The following NCOR2 variants were observed in gnomAD, a reference collection of about 807,000 sequenced individuals.
The protein encoded by NCOR2 is nuclear receptor corepressor 2.
In NCOR2, 81 loss-of-function variants were observed where a neutral mutation model predicts 262.9. That is an observed-to-expected ratio of 0.31 (90% CI 0.26 to 0.37). The LOEUF (loss-of-function observed/expected upper bound fraction) is 0.37, where lower values mean the gene tolerates loss of function less well. Ranked by LOEUF, NCOR2 falls within the 10% of genes least tolerant of loss-of-function variation. The probability of loss-of-function intolerance (pLI) is 1.00; values close to 1 mark genes in which losing one functional copy is unlikely to be tolerated. For missense variants in NCOR2, 3,385 were observed against 3,621.4 expected, an observed-to-expected ratio of 0.93 and a Z score of 1.68; for synonymous variants, 1,659 against 1,559.3, an observed-to-expected ratio of 1.06 and a Z score of -1.51.
At chr12:124,325,388 C>CCCCCCCCCCCCCCGGGGGGGGG in exon 47 of NCOR2, 1 of 693,388 alleles carries the variant, frequency 1.4e-6, no homozygotes, top group Non-Finnish European at 2.0e-6. Flanking sequence ...CCCCCCCCCC[C>CCCCCCCCCCCCCCGGGGGGGGG]GCCCTGTTCT....
At chr12:124,561,113 G>C (rs1031477876) in intron 1 of NCOR2, among the ~76,000 whole-genome samples, 1 of 152,202 alleles carries the variant, frequency 6.6e-6, no homozygotes, top group African/African-American at 2.4e-5. Flanking sequence ...CCATGAACCT[G>C]CACAAAGGTT....
In NCOR2 at chr12:124,336,854, C is replaced by A. The variant is rs1205137735; in HGVS notation, c.6014G>T (p.Ser2005Ile). The A allele has an allele frequency of 1.9e-6, 3 of 1,612,018 alleles. No homozygotes were observed. In the East Asian group the frequency reaches 6.7e-5, roughly 36 times the overall value. The change falls in exon 38 of 47, where the codon AGC becomes ATC. Residue 2005 changes from serine to isoleucine, a missense_variant. Ser to Ile is a moderately radical substitution (Grantham distance 142). Transcript: ENST00000405201. ...GGCAGGTGGCGCCGGCGGGTCCGGG[C>A]TGGCGTGGTGAGGTGCGAGGTTCTT...
At chr12:124,419,304 T>C (rs1346226651) in intron 13 of NCOR2, among the ~76,000 whole-genome samples, 1 of 152,156 alleles carries the variant, frequency 6.6e-6, no homozygotes, top group Non-Finnish European at 1.5e-5. Flanking sequence ...GTCACAACCA[T>C]GCAACTCCAC....
At chr12:124,422,676 T>G in intron 11 of NCOR2, 121 bp from the exon 14 acceptor site, 56 of 1,100,764 alleles carry the variant, frequency 5.1e-5, no homozygotes, top group East Asian at 1.5e-4. Context: ...CCGCCCCACT[T>G]GGAGCAATTA....
At chr12:124,494,240 C>A (rs1360255167) in intron 1 of NCOR2, among the ~76,000 whole-genome samples, 1 of 152,292 alleles carries the variant, frequency 6.6e-6, no homozygotes, top group East Asian at 1.9e-4. Context: ...CACACGCACA[C>A]ACGCACCCCC....
At chr12:124,545,061 C>T (rs978965517) in intron 1 of NCOR2, among the ~76,000 whole-genome samples, 14 of 152,154 alleles carry the variant, frequency 9.2e-5, no homozygotes, top group African/African-American at 3.1e-4. Context: ...GAGAAATTTA[C>T]AACCTGGCAC....
chr12:124,363,625 T>C, intron 21 of NCOR2, 54 bp downstream of exon 23: 2 of 1,303,440 alleles, frequency 1.5e-6, no homozygotes, highest in Non-Finnish European at 9.9e-7. Context: ...TCTCAATGAA[T>C]GGGAAAGTCA....
At chr12:124,374,696 A>G (rs1020830935) in intron 18 of NCOR2, among the ~76,000 whole-genome samples, 10 of 152,242 alleles carry the variant, frequency 6.6e-5, no homozygotes, top group African/African-American at 1.9e-4. Flanking sequence ...GGCTGGTCCA[A>G]TGGCCTGTTC....
Position 124,389,113 on chromosome 12 carries a change from G to A in NCOR2, c.1877-3226C>T, listed in dbSNP as rs564434614. 2.6e-5 allele frequency among the ~76,000 whole-genome samples: 4 copies of A among 152,354 alleles called. No homozygotes were observed. The East Asian group carries it at 7.7e-4, about 29-fold the overall frequency. ...TCAGTGGTGCGTGTGGGATGCCCCT[G>A]GGCCAGGTATCACCGGGGCGCAGCG... On this transcript the variant is annotated intron_variant, in intron 16 of 46. Transcript: ENST00000405201. This position sits in a 1 kb window ranked among gnomAD's most constrained non-coding sequence, Gnocchi z 4.4.
intron 44 of NCOR2, among the ~76,000 whole-genome samples, chr12:124,328,174 G>A (rs531561133): frequency 7.3e-6 from 1 of 137,732 alleles, no homozygotes; most frequent in Non-Finnish European, 1.6e-5. Flanking sequence ...GTGACCAGAT[G>A]GTCCTCCCGC....
chr12:124,369,770 C>T (rs941740337), intron 20 of NCOR2, among the ~76,000 whole-genome samples: 1 of 152,128 alleles, frequency 6.6e-6, no homozygotes, highest in African/African-American at 2.4e-5. Context: ...GTGTGCTGGA[C>T]ACTGGGCAAG....
At chr12:124,426,330 G>A (rs1323275885) in intron 11 of NCOR2, among the ~76,000 whole-genome samples, 3 of 152,192 alleles carry the variant, frequency 2.0e-5, no homozygotes, top group Non-Finnish European at 2.9e-5. Context: ...ATGTGGGGTC[G>A]AAGGCAGAGC....
At chr12:124,332,628 A>G (rs1364732435) in intron 42 of NCOR2, among the ~76,000 whole-genome samples, 161 bp from the exon 45 acceptor site, 1 of 151,966 alleles carries the variant, frequency 6.6e-6, no homozygotes, top group Non-Finnish European at 1.5e-5. Flanking sequence ...CGGCTCCTGA[A>G]ATCTCCTCTG....
At chr12:124,460,535 G>A (rs1011565446) in intron 5 of NCOR2, among the ~76,000 whole-genome samples, 3 of 152,184 alleles carry the variant, frequency 2.0e-5, no homozygotes, top group Non-Finnish European at 4.4e-5. Flanking sequence ...TCCACATCCC[G>A]GATGTGCCTG....
intron 40 of NCOR2, 21 bp from the exon 43 acceptor site, chr12:124,334,638 C>G: frequency 7.5e-7 from 1 of 1,340,506 alleles, no homozygotes; most frequent in East Asian, 2.8e-5. Flanking sequence ...GTGGGGGGGC[C>G]CAGAGTCAGG....
intron 1 of NCOR2, among the ~76,000 whole-genome samples, chr12:124,516,180 C>A (rs1483579177): frequency 3.9e-5 from 6 of 152,230 alleles, no homozygotes; most frequent in Non-Finnish European, 7.3e-5. Context: ...CTCCTGCTGG[C>A]CCAAGAGCGG....
intron 6 of NCOR2, among the ~76,000 whole-genome samples, chr12:124,456,572 G>A (rs1284052900): frequency 2.6e-5 from 4 of 152,180 alleles, no homozygotes; most frequent in Non-Finnish European, 4.4e-5. Context: ...AGGCAGGCGC[G>A]GCACCCGATG....
In NCOR2 at chr12:124,457,068, G is replaced by A. The variant is rs1180215293; in HGVS notation, c.762+38C>T. 8 of 382,204 alleles carry A rather than the reference G, an allele frequency of 2.1e-5. 1 individual carries two copies. Among genetic ancestry groups the A allele is most frequent in the East Asian group, 1.3e-4 (2 of 15,636 alleles). 23.7% of individuals were successfully genotyped at this position (382,204 alleles called of 1,614,324 possible). ...CCTGCCCACCTCTCCAGCCACCCCC[G>A]CCCTCCCCTGAGCCCCTGACCCTGT... On this transcript the variant is annotated intron_variant, in intron 6 of 46. Coordinates refer to ENST00000405201, the Ensembl canonical transcript of NCOR2. The surrounding 1 kb of genome is among the most constrained non-coding windows in gnomAD (Gnocchi z 4.0).
chr12:124,356,799 C>T lies in NCOR2; in HGVS notation c.3101-17G>A, dbSNP rs752337076. 6.9e-7 allele frequency: 1 copy of T among 1,459,568 alleles called. No homozygotes were observed. Among genetic ancestry groups the T allele is most frequent in the Admixed American group, 3.4e-5 (1 of 29,046 alleles). 90.4% of individuals were successfully genotyped at this position (1,459,568 alleles called of 1,614,324 possible). On this transcript the variant is annotated splice_polypyrimidine_tract_variant and intron_variant, in intron 22 of 46. Transcript: ENST00000405201. ...CTGCGAAGGCTGGGAAGAACACAGG[C>T]TTCTCTGCTGAGGGCAGGAGGTGGG...
Sources: gnomAD v4.1 joint callset for allele counts (sites outside exome capture counted in the v4.1 genomes callset) on GRCh38, gnomAD v4.1.1 for gene constraint, Gnocchi (gnomAD v3.1) non-coding constraint, MANE v1.5 for transcripts, NCBI Gene and HGNC (gene_info 2026-07-23, HGNC 2026-07-21) for gene names.